Variants in DHODH observed in about 807,000 individuals in gnomAD.
DHODH encodes the protein dihydroorotate dehydrogenase (quinone), mitochondrial.
In DHODH, 30 loss-of-function variants were observed where a neutral mutation model predicts 39.7. The ratio of observed to expected loss-of-function variants is 0.76; its 90% CI spans 0.57 to 1.02. DHODH has a LOEUF of 1.02. DHODH is among the 50% of genes least tolerant of loss of function. The pLI, the probability that DHODH is intolerant of heterozygous loss-of-function variation, is 0.00. For missense variants in DHODH, 531 were observed against 520.8 expected, an observed-to-expected ratio of 1.02 and a Z score of -0.19; for synonymous variants, 222 against 213.8, an observed-to-expected ratio of 1.04 and a Z score of -0.34.
At position 72,025,496 on chromosome 16, in the gene DHODH, G is replaced by A. The variant is rs1485938525; in HGVS notation, c.*1297G>A. ...GTGGGGTCTGTTTACCCAGTCCCCT[G>A]TTGGTGATCACATCGCTAACTTCCG... On this transcript the variant is annotated 3_prime_UTR_variant, in exon 9 of 9. Transcript: ENST00000219240. 1 of 152,250 alleles carries A rather than the reference G, an allele frequency of 6.6e-6. No homozygotes were observed. Among genetic ancestry groups the A allele is most frequent in the African/African-American group, 2.4e-5 (1 of 41,454 alleles). The allele number at this position is 152,250 out of a possible 1,614,324, so 9.4% of individuals were successfully genotyped here.
At chr16:72,017,787 T>C (rs1312394873) in intron 4 of DHODH, among the ~76,000 whole-genome samples, 1 of 147,836 alleles carries the variant, frequency 6.8e-6, no homozygotes, top group Non-Finnish European at 1.5e-5. Flanking sequence ...TTTTTTTTTT[T>C]TGAGACGGAG....
rs71153696 is a variant in DHODH at position 72,017,770 on chromosome 16, C to CTTTTTTTTTTTTTTT, written c.517+668_517+682dup. On this transcript the variant is annotated intron_variant, in intron 4 of 8. Transcript: ENST00000219240. ...CTCTAAAAAAACCAAAAACAACATG[C>CTTTTTTTTTTTTTTT]TTTTTTTTTTTTTTTTTTGAGACGG... Among the ~76,000 whole-genome samples, 301 of 103,776 alleles carry CTTTTTTTTTTTTTTT rather than the reference C, an allele frequency of 2.9e-3. 18 individuals are homozygous for CTTTTTTTTTTTTTTT. The highest frequency in any genetic ancestry group is 3.4e-3 in the South Asian group (10 of 2,916). 68.1% of individuals were successfully genotyped at this position (103,776 alleles called of 152,430 possible).
At position 72,024,615 on chromosome 16, in the gene DHODH, T is replaced by C. The variant is rs945979123; in HGVS notation, c.*416T>C. 1 of 189,892 alleles carries C rather than the reference T, an allele frequency of 5.3e-6. No individual in the cohort carries two copies. The highest frequency in any genetic ancestry group is 1.1e-5 in the Non-Finnish European group (1 of 90,430). 11.8% of individuals were successfully genotyped at this position (189,892 alleles called of 1,614,324 possible). ...AGTGGGCTTCCCAGGAACTTGACTGTCTTTCATTTGATCTTTATTTTTGTT... is the reference window on the plus strand; with the variant it reads ...AGTGGGCTTCCCAGGAACTTGACTGCCTTTCATTTGATCTTTATTTTTGTT... On this transcript the variant is annotated 3_prime_UTR_variant, in exon 9 of 9. Coordinates refer to ENST00000219240, the MANE Select transcript of DHODH (RefSeq NM_001361.5).
intron 1 of DHODH, among the ~76,000 whole-genome samples, chr16:72,010,663 A>G (rs1193270570): frequency 6.6e-6 from 1 of 152,208 alleles, no homozygotes. Context: ...TTGATCCAAT[A>G]AGATCTGAAG....
chr16:72,022,243 T>C, intron 5 of DHODH, 119 bp from the exon 6 acceptor site: 5 of 747,982 alleles, frequency 6.7e-6, no homozygotes, highest in South Asian at 1.5e-5. Context: ...TGAAAAGAAA[T>C]TGTTTCTGCT....
intron 4 of DHODH, among the ~76,000 whole-genome samples, chr16:72,017,470 A>G (rs2278027): frequency 0.39 from 59,459 of 151,954 alleles, 11,815 homozygotes; most frequent in Middle Eastern, 0.5. Flanking sequence ...CTTTTTTGTC[A>G]TCCATTGTGT....
intron 3 of DHODH, 85 bp from the exon 4 acceptor site, chr16:72,016,938 TC>T: frequency 3.9e-6 from 5 of 1,287,178 alleles, no homozygotes; most frequent in Admixed American, 3.5e-5. Flanking sequence ...TTTTTTTTTT[TC>T]TCTTGTTTGA....
chr16:72,008,845 G>T (rs1431386848), intron 1 of DHODH, 60 bp downstream of exon 1: 20 of 1,551,768 alleles, frequency 1.3e-5, no homozygotes, highest in Non-Finnish European at 1.7e-5. Context: ...GGCGAGAACG[G>T]AGAGTCAGGC....
chr16:72,014,298 T>C (rs1289602025), intron 2 of DHODH, 175 bp from the exon 3 acceptor site: 2 of 638,930 alleles, frequency 3.1e-6, no homozygotes, highest in Non-Finnish European at 5.5e-6. Flanking sequence ...CTGTTAAAAA[T>C]AGTTCCCCCA....
chr16:72,009,230 G>A (rs1162111460), intron 1 of DHODH: 15 of 798,060 alleles, frequency 1.9e-5, no homozygotes, highest in Non-Finnish European at 2.3e-5. Context: ...GAGGCCGGGC[G>A]CGGTGGCTCA....
At chr16:72,011,958 C>T (rs760847033) in intron 1 of DHODH, 92 bp from the exon 2 acceptor site, 7 of 997,156 alleles carry the variant, frequency 7.0e-6, no homozygotes, top group Non-Finnish European at 1.1e-5. Context: ...TGTGACCTGC[C>T]GTTATGCCCT....
intron 3 of DHODH, 41 bp downstream of exon 3, chr16:72,014,713 C>G (rs752964576): frequency 6.3e-7 from 1 of 1,595,064 alleles, no homozygotes; most frequent in Non-Finnish European, 8.6e-7. Flanking sequence ...TGCCCTCTTT[C>G]CAGCTGGGGG....
intron 1 of DHODH, 57 bp downstream of exon 1, chr16:72,008,842 A>G (rs2041049105): frequency 6.4e-7 from 1 of 1,551,794 alleles, no homozygotes; most frequent in Non-Finnish European, 8.7e-7. Context: ...GAGGGCGAGA[A>G]CGGAGAGTCA....
intron 3 of DHODH, 200 bp from the exon 4 acceptor site, chr16:72,016,824 A>C: frequency 5.3e-6 from 3 of 565,004 alleles, no homozygotes; most frequent in Non-Finnish European, 9.8e-6. Flanking sequence ...CTGGCTGAGC[A>C]TTTGCAAATT....
At chr16:72,015,831 G>C in intron 3 of DHODH, 1 of 985,506 alleles carries the variant, frequency 1.0e-6, no homozygotes, top group Non-Finnish European at 1.2e-6. Flanking sequence ...AGCCCTGTGT[G>C]TGCGGCCTCC....
intron 1 of DHODH, 107 bp downstream of exon 1, chr16:72,008,892 TG>T: frequency 1.3e-6 from 2 of 1,548,234 alleles, no homozygotes; most frequent in Non-Finnish European, 1.7e-6. Context: ...TCCGGGAGTG[TG>T]GGCCCCCCTG....
chr16:72,019,176 G>C (rs561345136), intron 4 of DHODH, among the ~76,000 whole-genome samples: 2 of 152,160 alleles, frequency 1.3e-5, no homozygotes, highest in African/African-American at 4.8e-5. Flanking sequence ...GGCTGGTCTT[G>C]AACTCCTGAC....
chr16:72,012,112 G>T lies in DHODH; in HGVS notation c.84G>T (p.Leu28=). ...GGGGLLFASY[L]MATGDERFYA... ...GAGGACTTCTCTTCGCCTCCTACCT[G>T]ATGGCCACGGGAGATGAGCGTTTCT... The change falls in exon 2 of 9, where the codon CTG becomes CTT. Residue 28 remains leucine, a synonymous_variant. Coordinates refer to ENST00000219240, the MANE Select transcript of DHODH (RefSeq NM_001361.5). The T allele has an allele frequency of 6.2e-7, 1 of 1,614,138 alleles. No homozygotes were observed. The highest frequency in any genetic ancestry group is 2.2e-5 in the East Asian group (1 of 44,884).
rs2041284801 is a variant in DHODH at position 72,027,221 on chromosome 16, C to T, written c.*3022C>T. Reference sequence around the variant, plus strand: ...ACCGTGTTAGCCAGGATGGTTCGATCTCCTGACCTCATGATCTGGCCGCCT... The same window carrying T: ...ACCGTGTTAGCCAGGATGGTTCGATTTCCTGACCTCATGATCTGGCCGCCT... On this transcript the variant is annotated 3_prime_UTR_variant, in exon 9 of 9. Transcript: ENST00000219240. The T allele has an allele frequency of 6.6e-6, 1 of 152,268 alleles. No individual in the cohort carries two copies. The highest frequency in any genetic ancestry group is 1.5e-5 in the Non-Finnish European group (1 of 68,162). 9.4% of individuals were successfully genotyped at this position (152,268 alleles called of 1,614,324 possible).
Sources: gnomAD v4.1 joint callset for allele counts (sites outside exome capture counted in the v4.1 genomes callset) on GRCh38, gnomAD v4.1.1 for gene constraint, MANE v1.5 for transcripts, NCBI Gene and HGNC (gene_info 2026-07-23, HGNC 2026-07-21) for gene names.